Variants in CANX observed in about 807,000 individuals in gnomAD.
CANX encodes calnexin.
Under a neutral mutation model 75.7 loss-of-function variants are expected in CANX, and 14 were observed. That is an observed-to-expected ratio of 0.19 (90% CI 0.12 to 0.29). The LOEUF is 0.29. Among genes scored for constraint, CANX ranks in the 10% least tolerant of loss-of-function variants. CANX has a pLI of 1.00. For missense variants in CANX, 567 were observed against 713.2 expected, an observed-to-expected ratio of 0.79 and a Z score of 2.34; for synonymous variants, 227 against 236.9, an observed-to-expected ratio of 0.96 and a Z score of 0.38.
At position 179,724,753 on chromosome 5, in the gene CANX, G is replaced by A; in HGVS notation, c.1615G>A (p.Asp539Asn). Residue 539 changes from aspartate to asparagine, a missense_variant, in exon 13 of 15, where the codon GAT (aspartate) becomes AAT (asparagine). Coordinates refer to ENST00000247461, the MANE Select transcript of CANX (RefSeq NM_001746.4). ...GAAGGAAGAGGAAAAGGACAAGGGA[G>A]ATGAGGAGGAGGAAGGAGAAGAGAA... ...EEKEEEKDKG[D>N]EEEEGEEKLE... 6.2e-7 allele frequency: 1 copy of A among 1,611,960 alleles called. No individual in the cohort carries two copies. The highest frequency in any genetic ancestry group is 8.5e-7 in the Non-Finnish European group (1 of 1,178,202).
intron 1 of CANX, among the ~76,000 whole-genome samples, chr5:179,691,732 A>C (rs867674902): frequency 6.6e-6 from 1 of 152,120 alleles, no homozygotes; most frequent in South Asian, 2.1e-4. Flanking sequence ...ACTTTCCTTG[A>C]GGTAGTTTCA....
At position 179,679,958 on chromosome 5, in the gene CANX, CTTTTTTTTTTTTT is replaced by C. The variant is rs34916199; in HGVS notation, c.-4+1195_-4+1207del. Among the ~76,000 whole-genome samples, 14 of 59,374 alleles carry C rather than the reference CTTTTTTTTTTTTT, an allele frequency of 2.4e-4. 1 individual carries two copies. The highest frequency in any genetic ancestry group is 6.6e-4 in the Admixed American group (3 of 4,560). 39.0% of individuals were successfully genotyped at this position (59,374 alleles called of 152,430 possible). On this transcript the variant is annotated intron_variant, in intron 1 of 14. Coordinates refer to the CANX transcript ENST00000681674. ...ACAGGCATGAGTCACTGCGCCTGGC[CTTTTTTTTTTTTT>C]TTTTTTTTTTTTTGTATTTTTAGTA...
chr5:179,686,102 C>CTTTTTTTTTTTTTTTTTTTTTTTTTT (rs757104413), intron 1 of CANX, among the ~76,000 whole-genome samples: 1 of 128,622 alleles, frequency 7.8e-6, no homozygotes. Flanking sequence ...TTGTTCAAGT[C>CTTTTTTTTTTTTTTTTTTTTTTTTTT]TTTTTTTTTT....
At chr5:179,683,540 T>A (rs1413541610) in intron 1 of CANX, among the ~76,000 whole-genome samples, 1 of 151,946 alleles carries the variant, frequency 6.6e-6, no homozygotes, top group Non-Finnish European at 1.5e-5. Context: ...CCATTACCTT[T>A]TTTTCTTTTT....
At chr5:179,694,456 C>G, upstream of CANX, 1 of 698,890 alleles carries the variant, frequency 1.4e-6, no homozygotes, top group East Asian at 2.5e-5. Flanking sequence ...GATCCTAGTG[C>G]CCCCAAAAGG....
intron 8 of CANX, among the ~76,000 whole-genome samples, chr5:179,717,721 CT>C (rs34244748): frequency 0.14 from 20,715 of 144,616 alleles, 1,423 homozygotes; most frequent in East Asian, 0.24. Context: ...TCTTTTCTTG[CT>C]TTTTTTTTTT....
rs752734911 is a variant in CANX, at chr5:179,715,883, T to A, written c.722-222T>A. 3 of 618,524 alleles carry A rather than the reference T, an allele frequency of 4.9e-6. No homozygotes were observed. In the African/African-American group the frequency reaches 5.5e-5, roughly 11 times the overall value. 38.3% of individuals were successfully genotyped at this position (618,524 alleles called of 1,614,324 possible). On this transcript the variant is annotated intron_variant, in intron 7 of 14. Transcript: ENST00000247461. The stretch of plus-strand genomic sequence containing the variant: ...TGGTGTTAAAGATTTTAACTATCAT[T>A]TGCTGTAATTCTTAGAAAGCCGAGG...
chr5:179,697,689 C>T (rs1389508050), upstream of CANX, among the ~76,000 whole-genome samples: 1 of 151,964 alleles, frequency 6.6e-6, no homozygotes, highest in Middle Eastern at 3.2e-3. Flanking sequence ...GGTCGATCAC[C>T]TGAGGTCAGC....
At chr5:179,716,787 AG>A (rs1163670955) in intron 8 of CANX, among the ~76,000 whole-genome samples, 5 of 152,306 alleles carry the variant, frequency 3.3e-5, no homozygotes, top group Middle Eastern at 3.4e-3. Flanking sequence ...TGGTATCGTA[AG>A]GGTTCATGAG....
At chr5:179,725,217 T>G (rs1029976131) in intron 13 of CANX, among the ~76,000 whole-genome samples, 1 of 151,980 alleles carries the variant, frequency 6.6e-6, no homozygotes, top group African/African-American at 2.4e-5. Context: ...GTTTATTGAT[T>G]TATTTATTTG....
intron 1 of CANX, among the ~76,000 whole-genome samples, chr5:179,692,116 C>T (rs1171831488): frequency 1.3e-5 from 2 of 151,162 alleles, no homozygotes; most frequent in Admixed American, 6.6e-5. Flanking sequence ...GCTCTGTTGC[C>T]CAGGCTGGAG....
intron 1 of CANX, chr5:179,681,058 C>A: frequency 1.4e-6 from 1 of 710,980 alleles, no homozygotes; most frequent in Admixed American, 2.3e-5. Context: ...ACCCACTCAG[C>A]TCTTGTCCAC....
intron 13 of CANX, 105 bp downstream of exon 13, chr5:179,724,888 A>C: frequency 8.3e-6 from 12 of 1,441,106 alleles, no homozygotes; most frequent in Non-Finnish European, 1.1e-5. Flanking sequence ...GTGGTGGCTC[A>C]AGCCTGTAAT....
At chr5:179,708,688 C>G (rs1777322591) in intron 5 of CANX, among the ~76,000 whole-genome samples, 1 of 151,402 alleles carries the variant, frequency 6.6e-6, no homozygotes, top group South Asian at 2.1e-4. Context: ...TTTTTCCTGC[C>G]TAATGCATTA....
chr5:179,694,537 C>G, upstream of CANX: 1 of 778,254 alleles, frequency 1.3e-6, no homozygotes, highest in Non-Finnish European at 2.3e-6. Flanking sequence ...CCTGGCATCT[C>G]TATTGGAGAT....
chr5:179,679,283 G>C (rs1775990085), intron 1 of CANX: 1 of 1,506,816 alleles, frequency 6.6e-7, no homozygotes, highest in African/African-American at 1.4e-5. Context: ...ACAAGAGTCC[G>C]GGTGAGCAGC....
intron 10 of CANX, among the ~76,000 whole-genome samples, chr5:179,722,090 G>A (rs1778347245): frequency 6.6e-6 from 1 of 152,160 alleles, no homozygotes; most frequent in South Asian, 2.1e-4. Flanking sequence ...CAGCACTTGA[G>A]AGGCTGAGGT....
chr5:179,710,590 C>T (rs866925467), intron 7 of CANX, among the ~76,000 whole-genome samples: 20 of 148,234 alleles, frequency 1.3e-4, no homozygotes, highest in African/African-American at 4.7e-4. Flanking sequence ...CACCTGTAGT[C>T]GCAGCTACTT....
chr5:179,722,235 G>A (rs1189755483), intron 10 of CANX, among the ~76,000 whole-genome samples: 1 of 152,186 alleles, frequency 6.6e-6, no homozygotes, highest in African/African-American at 2.4e-5. Flanking sequence ...GCACGAGGCT[G>A]AGGCACAAGG....
Sources: gnomAD v4.1 joint callset for allele counts (sites outside exome capture counted in the v4.1 genomes callset) on GRCh38, gnomAD v4.1.1 for gene constraint, MANE v1.5 for transcripts, NCBI Gene and HGNC (gene_info 2026-07-23, HGNC 2026-07-21) for gene names.